Variants in ATXN7L3 observed in about 807,000 individuals in gnomAD.
The protein encoded by ATXN7L3 is ataxin 7 like 3.
Under a neutral mutation model 50.0 loss-of-function variants are expected in ATXN7L3, and 6 were observed. The ratio of observed to expected loss-of-function variants is 0.12; its 90% CI spans 0.07 to 0.24. ATXN7L3 has a LOEUF of 0.24. ATXN7L3 is among the 10% of genes least tolerant of loss of function. The probability of loss-of-function intolerance (pLI) is 1.00; values close to 1 mark genes in which losing one functional copy is unlikely to be tolerated. For missense variants in ATXN7L3, 322 were observed against 451.3 expected (o/e 0.71, Z 2.60); for synonymous variants, 198 against 165.8 (o/e 1.19, Z -1.49).
In ATXN7L3 at chr17:44,194,125, C is replaced by G; in HGVS notation, c.*138G>C. ...TTGACACCCCCCAGGGGCGCATAAT[C>G]GGATCCTCTGCCTGCCTGGCCCACC... On this transcript the variant is annotated 3_prime_UTR_variant, in exon 13 of 13. Transcript: ENST00000587097. 3 of 1,202,040 alleles carry G rather than the reference C, an allele frequency of 2.5e-6. No homozygotes were observed. Among genetic ancestry groups the G allele is most frequent in the Non-Finnish European group, 3.5e-6 (3 of 858,386 alleles). The allele number at this position is 1,202,040 out of a possible 1,614,324, so 74.5% of individuals were successfully genotyped here. A position where few individuals can be genotyped will look rare whatever the true frequency, so the allele number is the denominator to read the frequency against.
chr17:44,196,777 CAAAAAAAAAAA>C (rs34885873), intron 5 of ATXN7L3, 141 bp downstream of exon 5: 7 of 237,846 alleles, frequency 2.9e-5, no homozygotes, highest in Non-Finnish European at 5.1e-5. Flanking sequence ...GAATCCATCT[CAAAAAAAAAAA>C]AAAAAAAAAA....
At chr17:44,198,488 G>C (rs1045349332) in intron 1 of ATXN7L3, 1 of 183,306 alleles carries the variant, frequency 5.5e-6, no homozygotes, top group African/African-American at 2.4e-5. Context: ...ACAGGGTGTG[G>C]CAAAGAACTG....
chr17:44,198,120 C>G lies in ATXN7L3; in HGVS notation c.-50G>C, dbSNP rs761253733. The stretch of plus-strand genomic sequence containing the variant: ...CTCTGACTGCTCATAGCACAGCGGG[C>G]GGCAACACGGCTGCACACACGGGGG... On this transcript the variant is annotated 5_prime_UTR_variant, in exon 2 of 13. Transcript: ENST00000587097. The G allele has an allele frequency of 3.8e-6, 6 of 1,577,780 alleles. No individual in the cohort carries two copies. The African/African-American group carries it at 6.8e-5, about 18-fold the overall frequency.
Position 44,192,667 on chromosome 17 carries a change from C to G in ATXN7L3, c.*1596G>C, listed in dbSNP as rs193117414. 6.6e-6 allele frequency: 1 copy of G among 152,328 alleles called. No individual in the cohort carries two copies. The highest frequency in any genetic ancestry group is 1.9e-4 in the East Asian group (1 of 5,174). 9.4% of individuals were successfully genotyped at this position (152,328 alleles called of 1,614,324 possible). On this transcript the variant is annotated 3_prime_UTR_variant, in exon 13 of 13. Coordinates refer to ENST00000587097, the MANE Select transcript of ATXN7L3 (RefSeq NM_001382309.1). ...TGTTTGGCTTTTTAAAAAATAATCA[C>G]AATTTGTGGGTTAAAAACCAATTTG...
chr17:44,193,073 AG>A lies in ATXN7L3; in HGVS notation c.*1189del, dbSNP rs1260904162. The A allele has an allele frequency of 2.0e-5, 3 of 152,280 alleles. No individual in the cohort carries two copies. The highest frequency in any genetic ancestry group is 4.4e-5 in the Non-Finnish European group (3 of 68,104). The allele number at this position is 152,280 out of a possible 1,614,324, so 9.4% of individuals were successfully genotyped here. A position where few individuals can be genotyped will look rare whatever the true frequency, so the allele number is the denominator to read the frequency against. ...TGGCATGACAGTCCCACAGAGGGGCAGTGACACCCCTTCCCCTCCACTGACA... is the reference window on the plus strand; with the variant it reads ...TGGCATGACAGTCCCACAGAGGGGCATGACACCCCTTCCCCTCCACTGACA... On this transcript the variant is annotated 3_prime_UTR_variant, in exon 13 of 13. Transcript: ENST00000587097.
In ATXN7L3 at chr17:44,195,407, G is replaced by A. The variant is rs369530714; in HGVS notation, c.621+12C>T. 1.9e-6 allele frequency: 3 copies of A among 1,613,042 alleles called. No homozygotes were observed. The highest frequency in any genetic ancestry group is 2.2e-5 in the East Asian group (1 of 44,874). ...CTCCCAGGGACCTTCTCTCTTGCTG[G>A]TCCTCCCTCACCGTGGTTAGCAGGC... On this transcript the variant is annotated intron_variant, in intron 9 of 12. Transcript: ENST00000587097.
chr17:44,196,503 G>C, intron 5 of ATXN7L3, 85 bp from the exon 6 acceptor site: 1 of 1,569,842 alleles, frequency 6.4e-7, no homozygotes, highest in Non-Finnish European at 8.8e-7. Context: ...CAACAGGCTG[G>C]GCACGGTGGC....
At position 44,196,014 on chromosome 17, in the gene ATXN7L3, A is replaced by G; in HGVS notation, c.523+20T>C. ...AGAAGACACAGCTAGAAGCATTCCC[A>G]TTGCTCCGGCTCCACTTACCATTTT... On this transcript the variant is annotated intron_variant, in intron 7 of 12. Transcript: ENST00000587097. 2 of 1,604,016 alleles carry G rather than the reference A, an allele frequency of 1.2e-6. No homozygotes were observed. The highest frequency in any genetic ancestry group is 8.5e-7 in the Non-Finnish European group (1 of 1,171,942).
intron 10 of ATXN7L3, 100 bp downstream of exon 10, chr17:44,194,997 G>C: frequency 6.7e-7 from 1 of 1,501,990 alleles, no homozygotes; most frequent in Non-Finnish European, 9.2e-7. Flanking sequence ...GGAAGGGGAA[G>C]GGCAGGAGCC....
chr17:44,193,942 T>C lies in ATXN7L3; in HGVS notation c.*321A>G. 1 of 296,030 alleles carries C rather than the reference T, an allele frequency of 3.4e-6. No homozygotes were observed. Among genetic ancestry groups the C allele is most frequent in the Non-Finnish European group, 6.4e-6 (1 of 156,442 alleles). 18.3% of individuals were successfully genotyped at this position (296,030 alleles called of 1,614,324 possible). A position where few individuals can be genotyped will look rare whatever the true frequency, so the allele number is the denominator to read the frequency against. ...CTGGGGTGGGGGGCAGGCAGTGCCC[T>C]GGCACAGTGCCCAGGTCAGGCCCCT... On this transcript the variant is annotated 3_prime_UTR_variant, in exon 13 of 13. Transcript: ENST00000587097.
intron 3 of ATXN7L3, 97 bp downstream of exon 3, chr17:44,197,501 A>G: frequency 6.3e-7 from 1 of 1,588,378 alleles, no homozygotes; most frequent in Non-Finnish European, 8.6e-7. Context: ...GGCTCACAGG[A>G]GCTCCAGGTG....
rs2055768521 is a variant in ATXN7L3, at chr17:44,193,462, G to C, written c.*801C>G. ...AGCAGCACCGTTCCCTCTCACCTTGGGGCCCCACTCCTCACCAGCCCTGGG... is the reference window on the plus strand; with the variant it reads ...AGCAGCACCGTTCCCTCTCACCTTGCGGCCCCACTCCTCACCAGCCCTGGG... On this transcript the variant is annotated 3_prime_UTR_variant, in exon 13 of 13. Transcript: ENST00000587097. 1 of 152,648 alleles carries C rather than the reference G, an allele frequency of 6.6e-6. No individual in the cohort carries two copies. The highest frequency in any genetic ancestry group is 1.5e-5 in the Non-Finnish European group (1 of 68,072). The allele number at this position is 152,648 out of a possible 1,614,324, so 9.5% of individuals were successfully genotyped here.
At position 44,196,917 on chromosome 17, in the gene ATXN7L3, A is replaced by T. The variant is rs746902707; in HGVS notation, c.454+12T>A. 6.2e-7 allele frequency: 1 copy of T among 1,604,404 alleles called. No homozygotes were observed. Among genetic ancestry groups the T allele is most frequent in the East Asian group, 2.2e-5 (1 of 44,762 alleles). On this transcript the variant is annotated intron_variant, in intron 5 of 12. Transcript: ENST00000587097. ...CCCAATGCCCCCCGGGTTTCCCCAGATCCCCAAGCACCTTTCTTCTCCGAG... is the reference window on the plus strand; with the variant it reads ...CCCAATGCCCCCCGGGTTTCCCCAGTTCCCCAAGCACCTTTCTTCTCCGAG...
chr17:44,199,334 G>C (rs2056055111), intron 1 of ATXN7L3, 162 bp downstream of exon 1: 2 of 151,220 alleles, frequency 1.3e-5, no homozygotes, highest in Admixed American at 1.3e-4. Context: ...GCCCGGCCGG[G>C]AAGCTGGGGG....
intron 7 of ATXN7L3, 56 bp from the exon 8 acceptor site, chr17:44,195,884 C>A: frequency 1.3e-6 from 2 of 1,585,544 alleles, no homozygotes; most frequent in East Asian, 2.2e-5. Context: ...AGACAGAGAA[C>A]CCTGAAAATA....
intron 1 of ATXN7L3, chr17:44,199,211 T>C (rs927614505): frequency 6.6e-6 from 1 of 150,668 alleles, no homozygotes; most frequent in African/African-American, 2.4e-5. Context: ...GGAGGGTGTC[T>C]CTATTGTCCC....
At chr17:44,197,839 C>T in intron 2 of ATXN7L3, 109 bp from the exon 3 acceptor site, 1 of 1,550,876 alleles carries the variant, frequency 6.4e-7, no homozygotes, top group Non-Finnish European at 8.8e-7. Context: ...GCTTTCTTTG[C>T]CATTTTCCCC....
rs1358557960 is a variant in ATXN7L3, at chr17:44,194,105, A to AC, written c.*157dup. On this transcript the variant is annotated 3_prime_UTR_variant, in exon 13 of 13. Coordinates refer to ENST00000587097, the MANE Select transcript of ATXN7L3 (RefSeq NM_001382309.1). ...GTGCTCCATTGCAGAGGACTTTGACACCCCCCAGGGGCGCATAATCGGATC... is the reference window on the plus strand; with the variant it reads ...GTGCTCCATTGCAGAGGACTTTGACACCCCCCCAGGGGCGCATAATCGGATC... The AC allele has an allele frequency of 5.3e-6, 5 of 944,340 alleles. No homozygotes were observed. Among genetic ancestry groups the AC allele is most frequent in the Middle Eastern group, 3.3e-4 (1 of 2,986 alleles). 58.5% of individuals were successfully genotyped at this position (944,340 alleles called of 1,614,324 possible). A position where few individuals can be genotyped will look rare whatever the true frequency, so the allele number is the denominator to read the frequency against.
rs1235310558 is a variant in ATXN7L3 at position 44,194,520 on chromosome 17, G to A, written c.892C>T (p.Leu298=). ...SKTSENQGWG[L]GTNSSESRKT... is the part of the protein sequence containing the mutation. The stretch of plus-strand genomic sequence containing the variant: ...AGGGCCCAACTGCATCACGTACCTA[G>A]ACCCCATCCCTGATTTTCACTCGTC... Residue 298 remains leucine (L), a synonymous_variant, in exon 12 of 13, where the codon CTA becomes TTA. Coordinates refer to ENST00000587097, the MANE Select transcript of ATXN7L3 (RefSeq NM_001382309.1). The A allele has an allele frequency of 3.1e-6, 5 of 1,613,582 alleles. No individual in the cohort carries two copies. Among genetic ancestry groups the A allele is most frequent in the Non-Finnish European group, 4.2e-6 (5 of 1,179,982 alleles).
Sources: gnomAD v4.1 joint callset for allele counts on GRCh38, gnomAD v4.1.1 for gene constraint, MANE v1.5 for transcripts, NCBI Gene and HGNC (gene_info 2026-07-23, HGNC 2026-07-21) for gene names.